The following HEATR5B variants were observed in gnomAD, a reference collection of about 807,000 sequenced individuals.
The protein encoded by HEATR5B is HEAT repeat-containing protein 5B.
In HEATR5B, 156 loss-of-function variants were observed where a neutral mutation model predicts 224.1. That is an observed-to-expected ratio of 0.70 (90% confidence interval 0.61 to 0.80). HEATR5B has a LOEUF of 0.80. Ranked by LOEUF, HEATR5B falls within the 30% of genes least tolerant of loss-of-function variation. The probability of loss-of-function intolerance (pLI) is 0.00; values close to 1 mark genes in which losing one functional copy is unlikely to be tolerated. For missense variants in HEATR5B, 2,323 were observed against 2,535.5 expected (o/e 0.92, Z 1.80); for synonymous variants, 1,027 against 893.0 (o/e 1.15, Z -2.68).
chr2:37,043,383 T>G (rs146747982), intron 18 of HEATR5B, among the ~76,000 whole-genome samples: 2 of 152,374 alleles, frequency 1.3e-5, no homozygotes, highest in East Asian at 3.9e-4. Context: ...TTAATACATT[T>G]TGCTGCTTGA....
intron 33 of HEATR5B, among the ~76,000 whole-genome samples, chr2:36,998,216 G>C (rs1237734781): frequency 6.6e-6 from 1 of 151,714 alleles, no homozygotes; most frequent in Non-Finnish European, 1.5e-5. Flanking sequence ...CTTTACAAAA[G>C]AAATAAACCT....
intron 19 of HEATR5B, chr2:37,040,884 A>C: frequency 2.4e-6 from 1 of 422,956 alleles, no homozygotes; most frequent in Non-Finnish European, 4.1e-6. Flanking sequence ...AGAGGAAAAA[A>C]GTACACAGAA....
At chr2:37,007,409 T>C in intron 28 of HEATR5B, 105 bp from the exon 29 acceptor site, 5 of 1,278,488 alleles carry the variant, frequency 3.9e-6, no homozygotes, top group Non-Finnish European at 5.2e-6. Flanking sequence ...AATGGTGCGA[T>C]CTTGGCTCAC....
Position 37,057,460 on chromosome 2 carries a change from T to G in HEATR5B, c.2080A>C (p.Arg694=), listed in dbSNP as rs1199555927. The change falls in exon 15 of 36, where the codon AGA becomes CGA. Residue 694 remains arginine (R), a synonymous_variant. Transcript: ENST00000233099. ...TYEGSFNALL[R]ELVAEFTLTD... is the part of the protein sequence containing the mutation. Reference sequence around the variant, plus strand: ...AAAGTGAATTCCGCTACCAGTTCTCTAAGAAGTGCATTAAAAGATCCTAAA... The same window carrying G: ...AAAGTGAATTCCGCTACCAGTTCTCGAAGAAGTGCATTAAAAGATCCTAAA... 1 of 1,607,036 alleles carries G rather than the reference T, an allele frequency of 6.2e-7. No homozygotes were observed. Among genetic ancestry groups the G allele is most frequent in the African/African-American group, 1.3e-5 (1 of 74,620 alleles).
intron 27 of HEATR5B, among the ~76,000 whole-genome samples, chr2:37,009,706 T>C (rs149919294): frequency 1.3e-5 from 2 of 152,262 alleles, no homozygotes; most frequent in African/African-American, 4.8e-5. Context: ...TCTGATGGCA[T>C]GTTCCTTGAG....
At position 37,061,967 on chromosome 2, in the gene HEATR5B, C is replaced by G; in HGVS notation, c.1668G>C (p.Trp556Cys). 1 of 1,613,580 alleles carries G rather than the reference C, an allele frequency of 6.2e-7. No homozygotes were observed. Among genetic ancestry groups the G allele is most frequent in the Non-Finnish European group, 8.5e-7 (1 of 1,179,630 alleles). The part of the protein sequence containing the change: ...RLSLQRTQAG[W>C]LLLGALMTLG... ...AAGTCATAAGTGCTCCAAGTAAAAG[C>G]CAGCCAGCTTGGGTGCGCTGTAAAG... The change falls in exon 11 of 36, where the codon TGG (tryptophan) becomes TGC (cysteine). Residue 556 changes from tryptophan to cysteine, a missense_variant. Physicochemically the swap from Trp to Cys is radical, Grantham distance 215. Around this residue, in one of 12 missense-constraint regions of HEATR5B, gnomAD observed 502 missense variants for 517.8 expected, o/e 0.97. Transcript: ENST00000233099.
chr2:37,043,028 GAAAT>G (rs1393773908), intron 18 of HEATR5B, among the ~76,000 whole-genome samples: 1 of 152,010 alleles, frequency 6.6e-6, no homozygotes, highest in African/African-American at 2.4e-5. Flanking sequence ...ATTAACAGCA[GAAAT>G]AATAGCCAAC....
At chr2:37,002,628 A>G in intron 31 of HEATR5B, 56 bp from the exon 32 acceptor site, 1 of 1,544,850 alleles carries the variant, frequency 6.5e-7, no homozygotes, top group Non-Finnish European at 8.8e-7. Flanking sequence ...ATGTAAAACA[A>G]CACAAGTATA....
Position 37,064,879 on chromosome 2 carries a change from G to A in HEATR5B, c.1445C>T (p.Pro482Leu), listed in dbSNP as rs377630901. 6.2e-7 allele frequency: 1 copy of A among 1,613,986 alleles called. No individual in the cohort carries two copies. The highest frequency in any genetic ancestry group is 1.3e-5 in the African/African-American group (1 of 74,916). The change falls in exon 10 of 36, where the codon CCA becomes CTA. Residue 482 changes from proline to leucine, a missense_variant. Pro to Leu is a moderately conservative substitution (Grantham distance 98). Coordinates refer to ENST00000233099, the MANE Select transcript of HEATR5B (RefSeq NM_019024.3). The part of the protein sequence containing the change: ...VAVALPFQLT[P>L]FLDRCAERLN... ...CCGTTCTGCACACCTGTCTAGAAAT[G>A]GTGTCAGCTGGAAAGGTAATGCCAC...
chr2:37,005,748 G>A lies in HEATR5B; in HGVS notation c.4789C>T (p.Gln1597Ter). The A allele has an allele frequency of 6.3e-7, 1 of 1,590,318 alleles. No individual in the cohort carries two copies. Among genetic ancestry groups the A allele is most frequent in the Non-Finnish European group, 8.5e-7 (1 of 1,172,552 alleles). Residue 1597 changes from glutamine to a stop codon, truncating the protein, a stop_gained, in exon 30 of 36, where the codon CAG (glutamine) becomes TAG (stop). Coordinates refer to ENST00000233099, the MANE Select transcript of HEATR5B (RefSeq NM_019024.3). LOFTEE classifies it high-confidence loss of function. ...TCAGGTCTAGGGGAACAAAGAAACT[G>A]TATACTCACACCTGAAATGCACAAA... ...RMHLILGVSI[Q>*]FLCSPRPEEP...
chr2:37,024,958 G>T (rs1668677764), intron 24 of HEATR5B, among the ~76,000 whole-genome samples: 1 of 152,172 alleles, frequency 6.6e-6, no homozygotes, highest in African/African-American at 2.4e-5. Context: ...ATGAGAAGGG[G>T]ACTGAGCAAA....
chr2:37,024,829 CT>C (rs545890265), intron 24 of HEATR5B, among the ~76,000 whole-genome samples: 1 of 152,320 alleles, frequency 6.6e-6, no homozygotes, highest in South Asian at 2.1e-4. Context: ...GAGAGCGCCA[CT>C]TTCCCCAACA....
Position 37,000,618 on chromosome 2 carries a change from G to A in HEATR5B, c.5513C>T (p.Thr1838Met), listed in dbSNP as rs573360324. The stretch of plus-strand genomic sequence containing the variant: ...AGAATATTCCAGGATGCAAGCAAGC[G>A]TGCTACGAATCAGAGCTGTCCACTG... ...QKQWTALIRS[T>M]LACILEYSQP... The change falls in exon 33 of 36, where the codon ACG becomes ATG. Residue 1838 changes from threonine (T) to methionine (M), a missense_variant. By Grantham distance (81) the Thr-to-Met change is moderately conservative. Transcript: ENST00000233099. 167 of 1,614,120 alleles carry A rather than the reference G, an allele frequency of 1.0e-4. 2 individuals are homozygous for A. The Middle Eastern group carries it at 4.8e-3, about 46-fold the overall frequency.
chr2:37,040,603 A>G (rs1257356496), intron 19 of HEATR5B, 85 bp from the exon 20 acceptor site: 1 of 937,886 alleles, frequency 1.1e-6, no homozygotes, highest in East Asian at 2.8e-5. Context: ...ACATGGGTAT[A>G]CTCTTAATAT....
chr2:37,009,310 G>T (rs1235273585), intron 27 of HEATR5B, among the ~76,000 whole-genome samples: 1 of 149,818 alleles, frequency 6.7e-6, no homozygotes, highest in African/African-American at 2.5e-5. Flanking sequence ...ATCAGGTGCA[G>T]TGGCTCATGC....
At chr2:36,991,483 G>A (rs868071873) in intron 33 of HEATR5B, among the ~76,000 whole-genome samples, 18 of 125,506 alleles carry the variant, frequency 1.4e-4, no homozygotes, top group African/African-American at 1.8e-4. Flanking sequence ...CAACAAAAGC[G>A]AAACTCTGTC....
chr2:37,077,905 G>A (rs762875846), intron 3 of HEATR5B, among the ~76,000 whole-genome samples: 3 of 152,132 alleles, frequency 2.0e-5, no homozygotes, highest in Non-Finnish European at 2.9e-5. Context: ...TACATTAACA[G>A]AACACTTGGA....
rs1670924165 is a variant in HEATR5B at position 37,056,552 on chromosome 2, G to A, written c.2287C>T (p.Arg763Cys). Residue 763 changes from arginine (R) to cysteine (C), a missense_variant, in exon 16 of 36, where the codon CGC becomes TGC. Coordinates refer to ENST00000233099, the MANE Select transcript of HEATR5B (RefSeq NM_019024.3). Reference protein sequence around the residue: ...LEHDPSSIYLRIPAGEAVPGP... With the variant: ...LEHDPSSIYLCIPAGEAVPGP... ...GGTACTGCTTCTCCAGCAGGTATGC[G>A]TAAATAAATAGAGGAAGGATCATGC... 1.9e-6 allele frequency: 3 copies of A among 1,613,212 alleles called. No homozygotes were observed. Among genetic ancestry groups the A allele is most frequent in the Non-Finnish European group, 1.7e-6 (2 of 1,179,512 alleles).
At chr2:37,080,219 C>T (rs1000565174) in intron 2 of HEATR5B, among the ~76,000 whole-genome samples, 2 of 152,202 alleles carry the variant, frequency 1.3e-5, no homozygotes, top group Admixed American at 6.5e-5. Flanking sequence ...TAATCTCTTG[C>T]ACCCCACTAT....
Sources: gnomAD v4.1 joint callset for allele counts (sites outside exome capture counted in the v4.1 genomes callset) on GRCh38, gnomAD v4.1.1 for gene constraint, gnomAD v4.1.1 regional missense constraint, MANE v1.5 for transcripts, NCBI Gene and HGNC (gene_info 2026-07-23, HGNC 2026-07-21) for gene names.